The following NMNAT2 variants were observed in gnomAD, a reference collection of about 807,000 sequenced individuals.
NMNAT2 encodes the protein nicotinamide nucleotide adenylyltransferase 2.
A neutral mutation model predicts 41.6 loss-of-function variants in NMNAT2; 11 were observed. The ratio of observed to expected loss-of-function variants is 0.26; its 90% confidence interval spans 0.17 to 0.44. The LOEUF (loss-of-function observed/expected upper bound fraction) is 0.44, where lower values mean the gene tolerates loss of function less well. NMNAT2 is among the 20% of genes least tolerant of loss of function. The pLI is 1.00. For synonymous variants in NMNAT2, 148 were observed against 151.2 expected, an observed-to-expected ratio of 0.98 and a Z score of 0.16; for missense variants, 288 against 407.7, an observed-to-expected ratio of 0.71 and a Z score of 2.53.
chr1:183,312,297 T>C (rs1419190984), intron 1 of NMNAT2, among the ~76,000 whole-genome samples: 1 of 151,438 alleles, frequency 6.6e-6, no homozygotes, highest in Non-Finnish European at 1.5e-5. Context: ...GGTCTCACTA[T>C]GTTTCCCAGG....
At chr1:183,263,762 C>T (rs909055936) in intron 8 of NMNAT2, among the ~76,000 whole-genome samples, 8 of 152,278 alleles carry the variant, frequency 5.3e-5, no homozygotes, top group Admixed American at 4.6e-4. Flanking sequence ...GAGCTGAGAT[C>T]GCGCCACTGC....
chr1:183,372,996 C>T (rs1663582534), intron 1 of NMNAT2, among the ~76,000 whole-genome samples: 1 of 152,212 alleles, frequency 6.6e-6, no homozygotes, highest in Non-Finnish European at 1.5e-5. Flanking sequence ...GGGCCAGCTC[C>T]CCCAGGGAGG....
chr1:183,276,564 T>C (rs1292276895), intron 8 of NMNAT2, among the ~76,000 whole-genome samples: 1 of 152,184 alleles, frequency 6.6e-6, no homozygotes, highest in Non-Finnish European at 1.5e-5. Context: ...GGTCTGCCCT[T>C]GAGAGGAGGC....
At chr1:183,359,698 TC>T (rs557973573) in intron 1 of NMNAT2, among the ~76,000 whole-genome samples, 42 of 152,102 alleles carry the variant, frequency 2.8e-4, no homozygotes, top group African/African-American at 1.0e-3. Context: ...TCTTTTTTGC[TC>T]CCATGCCCAG....
chr1:183,398,441 G>C (rs1648716732), intron 1 of NMNAT2, among the ~76,000 whole-genome samples: 1 of 152,164 alleles, frequency 6.6e-6, no homozygotes. Context: ...AAAAGACTTA[G>C]ACTCCCACAC....
chr1:183,316,466 C>A (rs1317181627), intron 1 of NMNAT2, among the ~76,000 whole-genome samples: 2 of 152,180 alleles, frequency 1.3e-5, no homozygotes, highest in Non-Finnish European at 2.9e-5. Flanking sequence ...TTCTTTCTGA[C>A]CCATTTTCTT....
intron 3 of NMNAT2, among the ~76,000 whole-genome samples, chr1:183,292,396 G>C (rs1162298330): frequency 6.6e-6 from 1 of 152,212 alleles, no homozygotes; most frequent in African/African-American, 2.4e-5. Flanking sequence ...ATGGGAAATT[G>C]TCAAGGTGAG....
At chr1:183,388,373 C>T (rs1281295982) in intron 1 of NMNAT2, among the ~76,000 whole-genome samples, 1 of 152,234 alleles carries the variant, frequency 6.6e-6, no homozygotes, top group Non-Finnish European at 1.5e-5. Flanking sequence ...TTTCTTCTCA[C>T]TCTGGGCCAA....
chr1:183,371,249 T>C (rs963107054), intron 1 of NMNAT2, among the ~76,000 whole-genome samples: 4 of 152,102 alleles, frequency 2.6e-5, no homozygotes, highest in African/African-American at 9.7e-5. Flanking sequence ...ATTCCAATGA[T>C]AGGACATTTT....
At chr1:183,341,686 A>AAGAG (rs371507028) in intron 1 of NMNAT2, among the ~76,000 whole-genome samples, 25 of 15,196 alleles carry the variant, frequency 1.6e-3, no homozygotes, top group Middle Eastern at 0.024. Context: ...GAAAAAAAAA[A>AAGAG]AGAGAGAGAG....
intron 1 of NMNAT2, among the ~76,000 whole-genome samples, chr1:183,345,134 A>G (rs149982881): frequency 2.0e-5 from 3 of 148,912 alleles, no homozygotes; most frequent in Non-Finnish European, 3.0e-5. Context: ...CCCCCACCCC[A>G]CCTTGTCTCC....
chr1:183,326,497 C>A (rs980356291), intron 1 of NMNAT2, among the ~76,000 whole-genome samples: 1 of 151,484 alleles, frequency 6.6e-6, no homozygotes, highest in African/African-American at 2.4e-5. Flanking sequence ...AGAGGAGGAT[C>A]CAGGGGCAGA....
intron 1 of NMNAT2, among the ~76,000 whole-genome samples, chr1:183,347,750 A>G (rs958660647): frequency 3.3e-5 from 5 of 152,184 alleles, no homozygotes; most frequent in African/African-American, 7.2e-5. Flanking sequence ...AGGGGCTCCC[A>G]TTCAGTCCCA....
chr1:183,292,813 G>T lies in NMNAT2; in HGVS notation c.219C>A (p.Ala73=). The change falls in exon 3 of 11, where the codon GCC becomes GCA. Residue 73 remains alanine, a synonymous_variant. Transcript: ENST00000287713. The stretch of plus-strand genomic sequence containing the variant: ...ACCTGATCCAATCAGAATTCTGGAC[G>T]GCCAGCTGACACATGATGAGACGGT... ...SRHRLIMCQL[A]VQNSDWIRVD... The T allele has an allele frequency of 6.2e-7, 1 of 1,614,048 alleles. No homozygotes were observed. Among genetic ancestry groups the T allele is most frequent in the Admixed American group, 1.7e-5 (1 of 60,006 alleles).
In NMNAT2 at chr1:183,359,107, T is replaced by C. The variant is rs148299036; in HGVS notation, c.85+59076A>G. The stretch of plus-strand genomic sequence containing the variant: ...TTTTTTTTAAAGTGTGATCTAACTA[T>C]GGAACACATGAGGCTGATTTCATGA... On this transcript the variant is annotated intron_variant, in intron 1 of 10. Transcript: ENST00000287713. Among the ~76,000 whole-genome samples the C allele has an allele frequency of 1.3e-3, 191 of 152,240 alleles. 1 individual carries two copies. The highest frequency in any genetic ancestry group is 4.2e-3 in the African/African-American group (175 of 41,542).
intron 1 of NMNAT2, among the ~76,000 whole-genome samples, chr1:183,387,150 G>A (rs1648270602): frequency 6.7e-6 from 1 of 150,370 alleles, no homozygotes; most frequent in Non-Finnish European, 1.5e-5. Context: ...TTCTAAATCT[G>A]TATAAGTAGT....
At chr1:183,407,446 T>C (rs928153727) in intron 1 of NMNAT2, among the ~76,000 whole-genome samples, 7 of 152,190 alleles carry the variant, frequency 4.6e-5, no homozygotes, top group African/African-American at 1.4e-4. Context: ...TAAATGCTTG[T>C]CTTTTTTTTT....
At chr1:183,258,992 C>CT (rs1250285520) in intron 10 of NMNAT2, among the ~76,000 whole-genome samples, 1 of 152,196 alleles carries the variant, frequency 6.6e-6, no homozygotes, top group African/African-American at 2.4e-5. Flanking sequence ...GTGAATTACT[C>CT]TTTCTCTATT....
At chr1:183,373,415 AG>A (rs1295489975) in intron 1 of NMNAT2, among the ~76,000 whole-genome samples, 1 of 152,162 alleles carries the variant, frequency 6.6e-6, no homozygotes, top group Non-Finnish European at 1.5e-5. Flanking sequence ...GAGAATAAGC[AG>A]AAATATAACA....
Sources: gnomAD v4.1 joint callset for allele counts (sites outside exome capture counted in the v4.1 genomes callset) on GRCh38, gnomAD v4.1.1 for gene constraint, MANE v1.5 for transcripts, NCBI Gene and HGNC (gene_info 2026-07-23, HGNC 2026-07-21) for gene names.